The following TRPC7 variants were observed in gnomAD, a reference collection of about 807,000 sequenced individuals.
The protein encoded by TRPC7 is short transient receptor potential channel 7.
A neutral mutation model predicts 90.1 loss-of-function variants in TRPC7; 42 were observed. The ratio of observed to expected loss-of-function variants is 0.47; its 90% CI spans 0.36 to 0.60. The LOEUF is 0.60. TRPC7 is among the 20% of genes least tolerant of loss of function. The pLI is 0.00. For missense variants in TRPC7, 955 were observed against 1,112.3 expected (o/e 0.86, Z 2.01); for synonymous variants, 451 against 436.3 (o/e 1.03, Z -0.42).
chr5:136,235,006 A>G (rs1755941077), intron 7 of TRPC7, among the ~76,000 whole-genome samples: 2 of 152,226 alleles, frequency 1.3e-5, no homozygotes, highest in South Asian at 4.1e-4. Context: ...AATTCATGGT[A>G]AAAACACTAG....
At chr5:136,334,726 C>G (rs1759598584) in intron 2 of TRPC7, among the ~76,000 whole-genome samples, 1 of 152,220 alleles carries the variant, frequency 6.6e-6, no homozygotes, top group African/African-American at 2.4e-5. Flanking sequence ...GAGAATAACA[C>G]ACTACAAGAC....
intron 8 of TRPC7, among the ~76,000 whole-genome samples, chr5:136,227,161 T>C (rs1453693826): frequency 1.3e-5 from 2 of 152,178 alleles, no homozygotes; most frequent in Admixed American, 6.5e-5. Context: ...CTTTCTGACA[T>C]TGTGTCAATG....
At chr5:136,239,551 TC>T (rs1157399263) in intron 7 of TRPC7, among the ~76,000 whole-genome samples, 3 of 152,202 alleles carry the variant, frequency 2.0e-5, no homozygotes, top group Non-Finnish European at 2.9e-5. Context: ...GGGTGACCTC[TC>T]CCTCGGTTTC....
chr5:136,260,146 C>T (rs1756809667), intron 5 of TRPC7, among the ~76,000 whole-genome samples: 1 of 152,046 alleles, frequency 6.6e-6, no homozygotes, highest in Non-Finnish European at 1.5e-5. Context: ...CACAAGTGGC[C>T]ATTGAAAGAG....
chr5:136,228,532 C>T lies in TRPC7; in HGVS notation c.2041-2277G>A, dbSNP rs529548845. On this transcript the variant is annotated intron_variant, in intron 8 of 11. Coordinates refer to ENST00000513104, the MANE Select transcript of TRPC7 (RefSeq NM_020389.3). ...GTGAAGACGCAAGCAGGCAGGGTGC[C>T]GTGCAGTGGCGGCTGCTGGGGAGGC... 3.0e-3 allele frequency among the ~76,000 whole-genome samples: 443 copies of T among 148,474 alleles called. 1 individual carries two copies. The highest frequency in any genetic ancestry group is 5.6e-3 in the Non-Finnish European group (376 of 67,460).
At chr5:136,225,017 CT>C (rs1755582959) in intron 10 of TRPC7, among the ~76,000 whole-genome samples, 1 of 152,206 alleles carries the variant, frequency 6.6e-6, no homozygotes, top group South Asian at 2.1e-4. Context: ...AGGGCATACA[CT>C]TATCTGTGTG....
chr5:136,251,613 G>A lies in TRPC7; in HGVS notation c.1579+36C>T, dbSNP rs368541475. ...AGCACCAGGCCCACGTCCCGGAAGC[G>A]CCAAAATGGAGTAGGGGAAGCACTC... On this transcript the variant is annotated intron_variant, in intron 6 of 11. Transcript: ENST00000513104. The A allele has an allele frequency of 3.9e-5, 59 of 1,521,564 alleles. No individual in the cohort carries two copies. In the East Asian group the frequency reaches 8.9e-4, roughly 23 times the overall value. The allele number at this position is 1,521,564 out of a possible 1,614,324, so 94.3% of individuals were successfully genotyped here.
chr5:136,243,215 G>A (rs1756223363), intron 7 of TRPC7, among the ~76,000 whole-genome samples: 1 of 152,078 alleles, frequency 6.6e-6, no homozygotes, highest in African/African-American at 2.4e-5. Context: ...CCCCTAGGGT[G>A]AGCAGAGCTC....
chr5:136,322,187 G>A (rs570114812), intron 2 of TRPC7, among the ~76,000 whole-genome samples: 1 of 151,998 alleles, frequency 6.6e-6, no homozygotes, highest in South Asian at 2.1e-4. Flanking sequence ...GCTAATTTTT[G>A]TATTTTTAGT....
At chr5:136,309,964 T>C (rs1758774258) in intron 3 of TRPC7, among the ~76,000 whole-genome samples, 1 of 152,128 alleles carries the variant, frequency 6.6e-6, no homozygotes. Context: ...CAACCACTCC[T>C]GATTAAGGTC....
chr5:136,216,389 C>T lies in TRPC7; in HGVS notation c.2344-114G>A, dbSNP rs994126936. ...AAGAGCCTCAGCAACCATGGCGACCCTCCCATGCCTGGCGCCTCACTCTGG... is the reference window on the plus strand; with the variant it reads ...AAGAGCCTCAGCAACCATGGCGACCTTCCCATGCCTGGCGCCTCACTCTGG... On this transcript the variant is annotated intron_variant, in intron 10 of 11. Transcript: ENST00000513104. 5 of 799,932 alleles carry T rather than the reference C, an allele frequency of 6.3e-6. No homozygotes were observed. In the African/African-American group the frequency reaches 6.8e-5, roughly 11 times the overall value. The allele number at this position is 799,932 out of a possible 1,614,324, so 49.6% of individuals were successfully genotyped here. A position where few individuals can be genotyped will look rare whatever the true frequency, so the allele number is the denominator to read the frequency against.
At chr5:136,264,161 G>A (rs1756950736) in intron 5 of TRPC7, among the ~76,000 whole-genome samples, 1 of 152,172 alleles carries the variant, frequency 6.6e-6, no homozygotes, top group Non-Finnish European at 1.5e-5. Flanking sequence ...GGTTCCTATA[G>A]CTAGAGACAC....
intron 5 of TRPC7, among the ~76,000 whole-genome samples, chr5:136,258,063 A>G (rs1176625641): frequency 1.3e-5 from 2 of 152,188 alleles, no homozygotes; most frequent in African/African-American, 4.8e-5. Flanking sequence ...GTTTGGAGGT[A>G]ACTTCAAGTA....
At chr5:136,337,494 C>A (rs375483882) in intron 2 of TRPC7, among the ~76,000 whole-genome samples, 1 of 152,022 alleles carries the variant, frequency 6.6e-6, no homozygotes, top group Non-Finnish European at 1.5e-5. Context: ...GGTGAAACCT[C>A]GTCTCTATTA....
chr5:136,323,777 C>T (rs547941357), intron 2 of TRPC7, among the ~76,000 whole-genome samples: 230 of 152,086 alleles, frequency 1.5e-3, no homozygotes, highest in Non-Finnish European at 2.4e-3. Context: ...TCCAGCTTTG[C>T]TTTTCTTTTT....
At chr5:136,216,150 G>A in intron 11 of TRPC7, 50 bp downstream of exon 11, 1 of 1,494,484 alleles carries the variant, frequency 6.7e-7, no homozygotes, top group Non-Finnish European at 9.2e-7. Context: ...GAGACCCACA[G>A]AACCTGTGTT....
chr5:136,303,045 C>T (rs1464867183), intron 3 of TRPC7, among the ~76,000 whole-genome samples: 1 of 152,174 alleles, frequency 6.6e-6, no homozygotes, highest in Non-Finnish European at 1.5e-5. Flanking sequence ...ATCACCTCCC[C>T]TCCTCACACC....
chr5:136,293,823 G>T (rs1023136232), intron 3 of TRPC7, among the ~76,000 whole-genome samples: 3 of 152,208 alleles, frequency 2.0e-5, no homozygotes, highest in East Asian at 1.9e-4. Flanking sequence ...AAAAGAGCCC[G>T]CATTGCCAGG....
intron 3 of TRPC7, among the ~76,000 whole-genome samples, chr5:136,288,991 G>T (rs1260696344): frequency 5.9e-5 from 9 of 152,150 alleles, no homozygotes; most frequent in Admixed American, 5.9e-4. Flanking sequence ...TAATTTCACT[G>T]AATTTCAGCC....
Sources: gnomAD v4.1 joint callset for allele counts (sites outside exome capture counted in the v4.1 genomes callset) on GRCh38, gnomAD v4.1.1 for gene constraint, MANE v1.5 for transcripts, NCBI Gene and HGNC (gene_info 2026-07-23, HGNC 2026-07-21) for gene names.